The following PTPN13 variants were observed in gnomAD, a reference collection of about 807,000 sequenced individuals.
PTPN13 encodes the protein tyrosine-protein phosphatase non-receptor type 13.
A neutral mutation model predicts 284.0 loss-of-function variants in PTPN13; 191 were observed. The observed-to-expected ratio is 0.67, with a 90% confidence interval of 0.60 to 0.76. PTPN13 has a LOEUF of 0.76. Ranked by LOEUF, PTPN13 falls within the 30% of genes least tolerant of loss-of-function variation. PTPN13 has a pLI of 0.00. For missense variants in PTPN13, 2,797 were observed against 2,939.9 expected (o/e 0.95, Z 1.12); for synonymous variants, 986 against 1,022.3 (o/e 0.96, Z 0.68).
chr4:86,779,379 T>C (rs1741030745), intron 35 of PTPN13, among the ~76,000 whole-genome samples: 1 of 149,076 alleles, frequency 6.7e-6, no homozygotes, highest in African/African-American at 2.5e-5. Flanking sequence ...ATAGCGCCAC[T>C]GCACTCCAGC....
intron 3 of PTPN13, among the ~76,000 whole-genome samples, chr4:86,680,347 C>CCCTATCTATCTA (rs1554306603): frequency 7.0e-6 from 1 of 142,550 alleles, no homozygotes; most frequent in South Asian, 2.4e-4. Flanking sequence ...TTCTATCTAT[C>CCCTATCTATCTA]TCTATCTATC....
In PTPN13 at chr4:86,734,283, A is replaced by G. The variant is rs1375873482; in HGVS notation, c.1859-20A>G. 2.8e-5 allele frequency: 40 copies of G among 1,416,684 alleles called. No homozygotes were observed. The highest frequency in any genetic ancestry group is 4.4e-5 in the African/African-American group (3 of 68,092). 87.8% of individuals were successfully genotyped at this position (1,416,684 alleles called of 1,614,324 possible). Reference sequence around the variant, plus strand: ...AAGTATTTTTTTATTTTATCTGAATATTTTTCTCATTCTGTTTAGATAATG... The same window carrying G: ...AAGTATTTTTTTATTTTATCTGAATGTTTTTCTCATTCTGTTTAGATAATG... On this transcript the variant is annotated intron_variant, in intron 12 of 47. Coordinates refer to ENST00000411767, the MANE Select transcript of PTPN13 (RefSeq NM_080683.3).
chr4:86,612,004 A>C (rs1397677469), intron 1 of PTPN13, among the ~76,000 whole-genome samples: 3 of 152,218 alleles, frequency 2.0e-5, no homozygotes, highest in African/African-American at 7.2e-5. Flanking sequence ...AAGATGTATG[A>C]AGCACTGGGT....
intron 32 of PTPN13, among the ~76,000 whole-genome samples, 169 bp from the exon 33 acceptor site, chr4:86,774,204 A>G (rs569020647): frequency 1.2e-4 from 19 of 152,296 alleles, no homozygotes; most frequent in Admixed American, 4.6e-4. Flanking sequence ...TCTGTCTAGA[A>G]TCAGACAGAC....
In PTPN13 at chr4:86,782,224, AGCCAGCCT is replaced by A. The variant is rs1741402955; in HGVS notation, c.5990_5997del (p.Gln1997ProfsTer4). The A allele has an allele frequency of 6.2e-7, 1 of 1,610,160 alleles. No homozygotes were observed. The highest frequency in any genetic ancestry group is 8.5e-7 in the Non-Finnish European group (1 of 1,176,604). On this transcript the variant is annotated frameshift_variant, in exon 37 of 48. Transcript: ENST00000411767. LOFTEE classifies it high-confidence loss of function. ...AGGTTCCTACAGTGTGGGGTCTTGC[AGCCAGCCT>A]GCCCTCACTCCTAATGATTCATTCT...
chr4:86,812,717 G>A (rs1384836409), intron 47 of PTPN13, among the ~76,000 whole-genome samples: 2 of 152,112 alleles, frequency 1.3e-5, no homozygotes, highest in Non-Finnish European at 2.9e-5. Context: ...AATGTGGCGG[G>A]CAGGGCACGA....
intron 2 of PTPN13, among the ~76,000 whole-genome samples, chr4:86,643,310 A>G (rs986250767): frequency 3.3e-5 from 5 of 152,216 alleles, no homozygotes; most frequent in African/African-American, 1.2e-4. Context: ...TTGAAAGACC[A>G]CATTGTGTTT....
intron 20 of PTPN13, among the ~76,000 whole-genome samples, chr4:86,757,188 T>TA (rs919116620): frequency 6.6e-6 from 1 of 152,164 alleles, no homozygotes; most frequent in African/African-American, 2.4e-5. Flanking sequence ...TAGCCTACTT[T>TA]AAAAAACCTA....
At chr4:86,759,646 A>C (rs1229881785) in intron 23 of PTPN13, among the ~76,000 whole-genome samples, 2 of 152,330 alleles carry the variant, frequency 1.3e-5, no homozygotes, top group Non-Finnish European at 2.9e-5. Context: ...AGTGGGAAAC[A>C]GGGAGGGTTG....
chr4:86,602,258 A>G (rs1184914098), intron 1 of PTPN13, among the ~76,000 whole-genome samples: 5 of 152,102 alleles, frequency 3.3e-5, no homozygotes, highest in African/African-American at 7.2e-5. Flanking sequence ...ATCTGACTCT[A>G]TGGTTTACAA....
chr4:86,754,264 G>A (rs1019900457), intron 20 of PTPN13, among the ~76,000 whole-genome samples: 1 of 151,986 alleles, frequency 6.6e-6, no homozygotes, highest in Non-Finnish European at 1.5e-5. Context: ...ATACTTGGAC[G>A]TAAATTGCTA....
intron 45 of PTPN13, among the ~76,000 whole-genome samples, chr4:86,809,263 C>T (rs780850896): frequency 2.6e-5 from 4 of 152,078 alleles, no homozygotes; most frequent in Non-Finnish European, 5.9e-5. Context: ...TAGTTTTTAT[C>T]GATATTTAAA....
At chr4:86,710,306 G>A (rs1412329350) in intron 7 of PTPN13, among the ~76,000 whole-genome samples, 1 of 152,080 alleles carries the variant, frequency 6.6e-6, no homozygotes, top group Non-Finnish European at 1.5e-5. Flanking sequence ...TGTATTAAAG[G>A]TAAAGAAATG....
At position 86,722,284 on chromosome 4, in the gene PTPN13, A is replaced by T; in HGVS notation, c.1458A>T (p.Glu486Asp). The change falls in exon 10 of 48, where the codon GAA becomes GAT. Residue 486 changes from glutamate (E) to aspartate (D), a missense_variant. Coordinates refer to ENST00000411767, the MANE Select transcript of PTPN13 (RefSeq NM_080683.3). ...QEIMLKRQEE[E>D]LMQLQAKMAL... ...TCATGCTAAAACGGCAAGAGGAAGA[A>T]CTGATGCAGCTACAAGCCAAAATGG... The T allele has an allele frequency of 6.2e-7, 1 of 1,613,812 alleles. No individual in the cohort carries two copies. Among genetic ancestry groups the T allele is most frequent in the Non-Finnish European group, 8.5e-7 (1 of 1,179,812 alleles).
chr4:86,790,540 C>T (rs10009603), intron 40 of PTPN13, among the ~76,000 whole-genome samples: 15,258 of 151,454 alleles, frequency 0.1, 889 homozygotes, highest in Non-Finnish European at 0.11. Context: ...TTAAGTGCCA[C>T]ACACACACAC....
At chr4:86,795,860 C>T (rs141651590) in intron 40 of PTPN13, among the ~76,000 whole-genome samples, 9 of 151,898 alleles carry the variant, frequency 5.9e-5, no homozygotes, top group Non-Finnish European at 1.0e-4. Flanking sequence ...GGACACAGGG[C>T]GGGGAATGTC....
intron 2 of PTPN13, among the ~76,000 whole-genome samples, chr4:86,652,240 T>C (rs940402932): frequency 3.9e-5 from 6 of 152,348 alleles, no homozygotes; most frequent in African/African-American, 1.4e-4. Context: ...TAAAAGTTAT[T>C]TTAGTTATTA....
chr4:86,793,974 G>A (rs1743002689), intron 40 of PTPN13, among the ~76,000 whole-genome samples: 1 of 152,086 alleles, frequency 6.6e-6, no homozygotes, highest in Admixed American at 6.6e-5. Context: ...TCAAAAGCTA[G>A]CAGAAGGCAA....
intron 1 of PTPN13, among the ~76,000 whole-genome samples, chr4:86,610,746 A>C (rs1765192079): frequency 6.6e-6 from 1 of 152,242 alleles, no homozygotes; most frequent in South Asian, 2.1e-4. Flanking sequence ...CAAACAAAAC[A>C]TGTCAGCAGG....
Sources: gnomAD v4.1 joint callset for allele counts (sites outside exome capture counted in the v4.1 genomes callset) on GRCh38, gnomAD v4.1.1 for gene constraint, MANE v1.5 for transcripts, NCBI Gene and HGNC (gene_info 2026-07-23, HGNC 2026-07-21) for gene names.